Variants in EPB41L5 observed in about 807,000 individuals in gnomAD.
The protein encoded by EPB41L5 is band 4.1-like protein 5.
In EPB41L5, 55 loss-of-function variants were observed where a neutral mutation model predicts 106.6. That is an observed-to-expected ratio of 0.52 (90% CI 0.42 to 0.65). The LOEUF (loss-of-function observed/expected upper bound fraction) is 0.65. Ranked by LOEUF, EPB41L5 falls within the 30% of genes least tolerant of loss-of-function variation. The pLI is 0.00. For missense variants in EPB41L5, 871 were observed against 882.1 expected, an observed-to-expected ratio of 0.99 and a Z score of 0.16; for synonymous variants, 297 against 306.7, an observed-to-expected ratio of 0.97 and a Z score of 0.33.
rs78641683 is a variant in EPB41L5 at position 120,159,021 on chromosome 2, T to G, written c.1794-1860T>G. ...TAAAAAGAATAAAATACCTAGGATT[T>G]TCTTGGTTTCCAGGGAAGTGAAGGA... On this transcript the variant is annotated intron_variant, in intron 20 of 24. Transcript: ENST00000263713. 7.7e-3 allele frequency among the ~76,000 whole-genome samples: 1,164 copies of G among 152,142 alleles called. 12 individuals are homozygous for G. Among genetic ancestry groups the G allele is most frequent in the African/African-American group, 0.027 (1,104 of 41,494 alleles).
intron 16 of EPB41L5, among the ~76,000 whole-genome samples, chr2:120,115,492 C>T (rs940553424): frequency 1.3e-5 from 2 of 152,100 alleles, no homozygotes; most frequent in Admixed American, 6.5e-5. Context: ...GCAACCTCCA[C>T]CTCCTGCCTC....
intron 3 of EPB41L5, among the ~76,000 whole-genome samples, chr2:120,050,118 T>C (rs538724726): frequency 1.2e-4 from 18 of 152,314 alleles, no homozygotes; most frequent in African/African-American, 4.3e-4. Context: ...ATTTCAACTT[T>C]GGTGAATCTG....
chr2:120,110,714 A>T (rs1684689639), intron 16 of EPB41L5, among the ~76,000 whole-genome samples: 1 of 147,590 alleles, frequency 6.8e-6, no homozygotes, highest in Admixed American at 6.9e-5. Context: ...TGCTTACTGC[A>T]GCCTCCGCCT....
chr2:120,065,131 A>C (rs1256782392), intron 3 of EPB41L5, among the ~76,000 whole-genome samples: 1 of 152,030 alleles, frequency 6.6e-6, no homozygotes, highest in Non-Finnish European at 1.5e-5. Context: ...ATGTACTTAC[A>C]TTTTAGAGAT....
At position 120,073,126 on chromosome 2, in the gene EPB41L5, A is replaced by G. The variant is rs369423442; in HGVS notation, c.286-52A>G. 54 of 1,528,222 alleles carry G rather than the reference A, an allele frequency of 3.5e-5. No individual in the cohort carries two copies. The South Asian group carries it at 4.1e-4, about 12-fold the overall frequency. The allele number at this position is 1,528,222 out of a possible 1,614,324, so 94.7% of individuals were successfully genotyped here. A position where few individuals can be genotyped will look rare whatever the true frequency, so the allele number is the denominator to read the frequency against. Reference sequence around the variant, plus strand: ...AAAGTAACTTTTAGTAATTCATTCAAATTTTAAAGTTCTGTCATCTGCTTA... The same window carrying G: ...AAAGTAACTTTTAGTAATTCATTCAGATTTTAAAGTTCTGTCATCTGCTTA... On this transcript the variant is annotated intron_variant, in intron 3 of 24. Coordinates refer to ENST00000263713, the MANE Select transcript of EPB41L5 (RefSeq NM_020909.4).
intron 10 of EPB41L5, among the ~76,000 whole-genome samples, chr2:120,079,663 A>C (rs1682507357): frequency 6.6e-6 from 1 of 151,854 alleles, no homozygotes; most frequent in Middle Eastern, 3.2e-3. Flanking sequence ...CTGGTATTAC[A>C]TTTCCTTTCT....
rs369902003 is a variant in EPB41L5 at position 120,160,851 on chromosome 2, C to G, written c.1794-30C>G. 6.4e-4 allele frequency: 979 copies of G among 1,536,014 alleles called. 9 individuals carry two copies. The South Asian group carries it at 0.01, about 16-fold the overall frequency. The stretch of plus-strand genomic sequence containing the variant: ...CCTGCCTGTACCTGTACAGGTCCTA[C>G]ATGATGTGAATTTATCTTTTTCTTC... On this transcript the variant is annotated intron_variant, in intron 20 of 24. Transcript: ENST00000263713.
intron 2 of EPB41L5, among the ~76,000 whole-genome samples, chr2:120,037,237 A>G (rs1679092820): frequency 6.6e-6 from 1 of 150,950 alleles, no homozygotes; most frequent in South Asian, 2.1e-4. Context: ...GCAGTATAAA[A>G]CACTGCTGAG....
intron 18 of EPB41L5, among the ~76,000 whole-genome samples, chr2:120,142,173 A>G (rs1686205424): frequency 6.7e-6 from 1 of 150,134 alleles, no homozygotes; most frequent in Non-Finnish European, 1.5e-5. Flanking sequence ...CATCTTGACC[A>G]TTTTTAAGTG....
chr2:120,164,788 T>A, intron 21 of EPB41L5, 48 bp from the exon 22 acceptor site: 1 of 1,364,140 alleles, frequency 7.3e-7, no homozygotes, highest in Admixed American at 1.9e-5. Flanking sequence ...ACTTAACATC[T>A]GATGATAAAG....
chr2:120,070,639 A>G (rs1471917866), intron 3 of EPB41L5, among the ~76,000 whole-genome samples: 2 of 152,200 alleles, frequency 1.3e-5, no homozygotes, highest in African/African-American at 4.8e-5. Flanking sequence ...CTCATCCACC[A>G]CAATCAAATC....
chr2:120,168,897 G>T (rs1020995831), intron 24 of EPB41L5, among the ~76,000 whole-genome samples: 1 of 152,210 alleles, frequency 6.6e-6, no homozygotes, highest in East Asian at 1.9e-4. Flanking sequence ...TCTAGTAAAA[G>T]AGTGCTTTAT....
chr2:120,116,853 A>G (rs1665064), intron 16 of EPB41L5, among the ~76,000 whole-genome samples: 136,244 of 152,168 alleles, frequency 0.9, 61,410 homozygotes, highest in East Asian at 1. Flanking sequence ...TTATGCTACT[A>G]CTGAAAAAAA....
chr2:120,021,115 A>G (rs1677893127), intron 2 of EPB41L5, among the ~76,000 whole-genome samples: 2 of 150,630 alleles, frequency 1.3e-5, no homozygotes, highest in Non-Finnish European at 3.0e-5. Flanking sequence ...GCTGAGGCAG[A>G]CAGAACCCTT....
At chr2:120,047,036 C>CA (rs570912754) in intron 3 of EPB41L5, among the ~76,000 whole-genome samples, 9,204 of 152,152 alleles carry the variant, frequency 0.06, 360 homozygotes, top group African/African-American at 0.11. Context: ...GTTTTGGTAC[C>CA]AGTACCATGC....
At chr2:120,119,089 A>G (rs1233363530) in intron 16 of EPB41L5, among the ~76,000 whole-genome samples, 1 of 152,038 alleles carries the variant, frequency 6.6e-6, no homozygotes, top group Admixed American at 6.6e-5. Flanking sequence ...ATGATCAGTG[A>G]TGTTGAGATT....
At chr2:120,048,635 TTG>T (rs1447208112) in intron 3 of EPB41L5, among the ~76,000 whole-genome samples, 1 of 152,206 alleles carries the variant, frequency 6.6e-6, no homozygotes, top group Non-Finnish European at 1.5e-5. Context: ...GAAGGGTTTT[TTG>T]TGTCTTTATC....
At chr2:120,030,050 G>T (rs899878878) in intron 2 of EPB41L5, among the ~76,000 whole-genome samples, 2 of 152,224 alleles carry the variant, frequency 1.3e-5, no homozygotes, top group Admixed American at 1.3e-4. Context: ...GACAGTGAAA[G>T]AAATCAGACC....
chr2:120,058,627 A>G (rs892256859), intron 3 of EPB41L5, among the ~76,000 whole-genome samples: 19 of 152,232 alleles, frequency 1.2e-4, no homozygotes, highest in Admixed American at 1.2e-3. Context: ...CCTGCAAAAG[A>G]CAGTATATGG....
Sources: gnomAD v4.1 joint callset for allele counts (sites outside exome capture counted in the v4.1 genomes callset) on GRCh38, gnomAD v4.1.1 for gene constraint, MANE v1.5 for transcripts, NCBI Gene and HGNC (gene_info 2026-07-23, HGNC 2026-07-21) for gene names.